Variants in FCHSD2 observed in about 807,000 individuals in gnomAD.
FCHSD2 encodes the protein F-BAR and double SH3 domains protein 2.
Under a neutral mutation model 108.1 loss-of-function variants are expected in FCHSD2, and 38 were observed. The ratio of observed to expected loss-of-function variants is 0.35; its 90% CI spans 0.27 to 0.46. FCHSD2 has a LOEUF of 0.46. Among genes scored for constraint, FCHSD2 ranks in the 20% least tolerant of loss-of-function variants. The probability of loss-of-function intolerance (pLI) is 1.00; values close to 1 mark genes in which losing one functional copy is unlikely to be tolerated. For synonymous variants in FCHSD2, 279 were observed against 314.7 expected (o/e 0.89, Z 1.20); for missense variants, 751 against 897.8 (o/e 0.84, Z 2.09).
chr11:72,910,882 T>G (rs1591390998), intron 9 of FCHSD2, among the ~76,000 whole-genome samples: 1 of 150,924 alleles, frequency 6.6e-6, no homozygotes, highest in East Asian at 1.9e-4. Flanking sequence ...TCCTTATATA[T>G]TCTCATTATT....
chr11:73,004,025 G>A (rs1025989214), intron 4 of FCHSD2, among the ~76,000 whole-genome samples: 4 of 141,476 alleles, frequency 2.8e-5, no homozygotes, highest in South Asian at 4.6e-4. Context: ...CAGGAGACTC[G>A]CTTGAACTGG....
intron 14 of FCHSD2, among the ~76,000 whole-genome samples, chr11:72,844,454 G>A (rs1014256493): frequency 2.0e-5 from 3 of 152,166 alleles, no homozygotes; most frequent in African/African-American, 4.8e-5. Flanking sequence ...GCGTGCTACC[G>A]TACAAGCTGC....
At chr11:73,008,452 T>C (rs1329887985) in intron 4 of FCHSD2, among the ~76,000 whole-genome samples, 1 of 152,092 alleles carries the variant, frequency 6.6e-6, no homozygotes, top group Non-Finnish European at 1.5e-5. Context: ...TTATTGGTAG[T>C]AGAAAGGGAG....
At chr11:72,933,734 G>T (rs552612182) in intron 8 of FCHSD2, among the ~76,000 whole-genome samples, 1 of 152,270 alleles carries the variant, frequency 6.6e-6, no homozygotes, top group South Asian at 2.1e-4. Context: ...AAAGCTTAAA[G>T]TAGACAATTT....
At position 73,056,798 on chromosome 11, in the gene FCHSD2, C is replaced by G. The variant is rs1236233658; in HGVS notation, c.165+26897G>C. On this transcript the variant is annotated intron_variant, in intron 3 of 19. Transcript: ENST00000409418. ...TGAGGGAATAAAATCCATAGATTGA[C>G]AAGGCCGGGCGCGGTGGCTCACGCC... 4.0e-5 allele frequency among the ~76,000 whole-genome samples: 6 copies of G among 151,862 alleles called. 1 individual carries two copies. The highest frequency in any genetic ancestry group is 3.3e-4 in the Admixed American group (5 of 15,256).
At chr11:73,081,286 T>C (rs537642501) in intron 3 of FCHSD2, among the ~76,000 whole-genome samples, 7 of 151,468 alleles carry the variant, frequency 4.6e-5, no homozygotes, top group Non-Finnish European at 1.0e-4. Context: ...ATACAAAAAT[T>C]AGAAGGGCAT....
intron 12 of FCHSD2, among the ~76,000 whole-genome samples, chr11:72,875,856 T>C (rs911120147): frequency 1.3e-5 from 2 of 152,244 alleles, no homozygotes; most frequent in African/African-American, 2.4e-5. Context: ...TATTTGGATC[T>C]GACTTCTTGA....
intron 6 of FCHSD2, among the ~76,000 whole-genome samples, chr11:72,987,948 T>TA (rs1245073369): frequency 1.3e-5 from 2 of 152,170 alleles, no homozygotes; most frequent in African/African-American, 2.4e-5. Context: ...ATAAATACAA[T>TA]AAAACAAATT....
At chr11:72,887,114 T>C (rs924284421) in intron 12 of FCHSD2, among the ~76,000 whole-genome samples, 4 of 151,486 alleles carry the variant, frequency 2.6e-5, no homozygotes, top group South Asian at 2.1e-4. Context: ...TCCATAGATA[T>C]TGATATATAA....
intron 2 of FCHSD2, among the ~76,000 whole-genome samples, chr11:73,091,948 T>C (rs1591546578): frequency 6.6e-6 from 1 of 151,958 alleles, no homozygotes; most frequent in East Asian, 1.9e-4. Flanking sequence ...GGCAGGAGAA[T>C]TGTTTGTACC....
rs529568216 is a variant in FCHSD2, at chr11:73,032,717, A to C, written c.166-16832T>G. Among the ~76,000 whole-genome samples the C allele has an allele frequency of 1.6e-4, 24 of 152,228 alleles. No individual in the cohort carries two copies. In the South Asian group the frequency reaches 4.6e-3, roughly 29 times the overall value. On this transcript the variant is annotated intron_variant, in intron 3 of 19. Coordinates refer to ENST00000409418, the MANE Select transcript of FCHSD2 (RefSeq NM_014824.3). ...GGAAGGCTTCCCCAAAGGAAATGAA[A>C]ATTGACATCTAAAAAAAAAGAGCCT...
intron 8 of FCHSD2, among the ~76,000 whole-genome samples, chr11:72,927,200 A>C (rs1856093996): frequency 6.6e-6 from 1 of 152,384 alleles, no homozygotes; most frequent in African/African-American, 2.4e-5. Context: ...CTAAGGTCTA[A>C]CTAAACCAGA....
intron 12 of FCHSD2, among the ~76,000 whole-genome samples, chr11:72,885,745 A>G (rs1464330723): frequency 6.6e-6 from 1 of 152,190 alleles, no homozygotes; most frequent in African/African-American, 2.4e-5. Context: ...CTTCTACCAC[A>G]GGCCAGTGTT....
At chr11:72,848,375 T>G (rs1211167589) in intron 14 of FCHSD2, among the ~76,000 whole-genome samples, 1 of 152,228 alleles carries the variant, frequency 6.6e-6, no homozygotes, top group Non-Finnish European at 1.5e-5. Context: ...CTTAGAAGGC[T>G]CTTTCCTCTC....
At chr11:73,120,740 A>G (rs776351977) in intron 2 of FCHSD2, among the ~76,000 whole-genome samples, 2 of 151,982 alleles carry the variant, frequency 1.3e-5, no homozygotes, top group Non-Finnish European at 2.9e-5. Flanking sequence ...AAAAAATAAT[A>G]ATAATAAAAC....
intron 2 of FCHSD2, among the ~76,000 whole-genome samples, chr11:73,086,118 C>T (rs1342915268): frequency 6.6e-6 from 1 of 152,180 alleles, no homozygotes; most frequent in Non-Finnish European, 1.5e-5. Flanking sequence ...CATTATTTTA[C>T]AAGATGAGGC....
intron 4 of FCHSD2, among the ~76,000 whole-genome samples, chr11:73,010,082 T>C (rs1209787761): frequency 6.6e-6 from 1 of 152,204 alleles, no homozygotes; most frequent in Non-Finnish European, 1.5e-5. Context: ...ACAAAGGCTT[T>C]GTTAATTCTT....
At chr11:73,026,802 A>G (rs993883662) in intron 3 of FCHSD2, among the ~76,000 whole-genome samples, 11 of 152,152 alleles carry the variant, frequency 7.2e-5, no homozygotes, top group Non-Finnish European at 1.3e-4. Flanking sequence ...CATGACAGCA[A>G]GTGAGTTCTC....
intron 3 of FCHSD2, among the ~76,000 whole-genome samples, chr11:73,019,801 A>G (rs940803424): frequency 6.6e-6 from 1 of 152,176 alleles, no homozygotes; most frequent in Non-Finnish European, 1.5e-5. Flanking sequence ...TTTCCTCTAT[A>G]CTTTATATTT....
Sources: gnomAD v4.1 joint callset for allele counts (sites outside exome capture counted in the v4.1 genomes callset) on GRCh38, gnomAD v4.1.1 for gene constraint, MANE v1.5 for transcripts, NCBI Gene and HGNC (gene_info 2026-07-23, HGNC 2026-07-21) for gene names.